The following ANO2 variants were observed in gnomAD, a reference collection of about 807,000 sequenced individuals.
ANO2 encodes anoctamin-2.
ANO2 carries 101 observed loss-of-function variants against 124.2 expected under a neutral mutation model. That is an observed-to-expected ratio of 0.81 (90% CI 0.69 to 0.96). ANO2 has a LOEUF of 0.96. Ranked by LOEUF, ANO2 falls within the 40% of genes least tolerant of loss-of-function variation. The pLI is 0.00. For missense variants in ANO2, 1,293 were observed against 1,274.5 expected (o/e 1.01, Z -0.22); for synonymous variants, 486 against 482.5 (o/e 1.01, Z -0.09).
At chr12:5,913,910 G>A (rs757258061) in intron 3 of ANO2, among the ~76,000 whole-genome samples, 1 of 152,200 alleles carries the variant, frequency 6.6e-6, no homozygotes, top group Non-Finnish European at 1.5e-5. Context: ...GTGGGATGGC[G>A]ACAGAGCCTG....
At chr12:5,784,273 C>T (rs1952481486) in intron 10 of ANO2, among the ~76,000 whole-genome samples, 1 of 152,136 alleles carries the variant, frequency 6.6e-6, no homozygotes, top group South Asian at 2.1e-4. Flanking sequence ...TTCAGAAGCC[C>T]TTCTTGTTTC....
At chr12:5,808,374 T>C (rs1015843013) in intron 7 of ANO2, among the ~76,000 whole-genome samples, 1 of 152,192 alleles carries the variant, frequency 6.6e-6, no homozygotes, top group African/African-American at 2.4e-5. Flanking sequence ...TCATTCTTGG[T>C]TTTTTTCAGA....
At chr12:5,751,070 T>C (rs963846351) in intron 10 of ANO2, 100 bp from the exon 11 acceptor site, 2 of 1,190,280 alleles carry the variant, frequency 1.7e-6, no homozygotes, top group Non-Finnish European at 2.3e-6. Flanking sequence ...AACATAGATA[T>C]TCATTCCTCT....
chr12:5,665,741 A>C (rs1947676278), intron 14 of ANO2, among the ~76,000 whole-genome samples: 1 of 128,742 alleles, frequency 7.8e-6, no homozygotes, highest in African/African-American at 2.9e-5. Context: ...CAGGGAGTCA[A>C]CACATCATCT....
chr12:5,873,977 T>C (rs12317488), intron 3 of ANO2, among the ~76,000 whole-genome samples: 4,536 of 152,274 alleles, frequency 0.03, 233 homozygotes, highest in African/African-American at 0.1. Flanking sequence ...AGACCTCCCA[T>C]CTGCATACTT....
Position 5,575,902 on chromosome 12 carries a change from G to A in ANO2, c.2553C>T (p.Asn851=), listed in dbSNP as rs773623058. 27 of 1,613,636 alleles carry A rather than the reference G, an allele frequency of 1.7e-5. No individual in the cohort carries two copies. The highest frequency in any genetic ancestry group is 1.6e-4 in the Middle Eastern group (1 of 6,084). Residue 851 remains asparagine (N), a synonymous_variant, in exon 23 of 25, where the codon AAC becomes AAT. Coordinates refer to ENST00000682330, the MANE Select transcript of ANO2 (RefSeq NM_001364791.2). The part of the protein sequence containing the change: ...GFVNHTLSFF[N]VSQLKEGTQP... ...GCGTCCCCTCCTTCAGCTGGCTGAC[G>A]TTGAAAAAGGAGAGGGTGTGGTTGA... is the stretch of plus-strand genomic sequence containing the variant.
At chr12:5,872,927 A>G (rs755698992) in intron 3 of ANO2, among the ~76,000 whole-genome samples, 2 of 152,112 alleles carry the variant, frequency 1.3e-5, no homozygotes, top group Non-Finnish European at 2.9e-5. Context: ...GCGTGCAGAG[A>G]TGTGGGAAAC....
At chr12:5,903,346 T>TA (rs1366118145) in intron 3 of ANO2, among the ~76,000 whole-genome samples, 1 of 152,202 alleles carries the variant, frequency 6.6e-6, no homozygotes, top group African/African-American at 2.4e-5. Flanking sequence ...CACTGGGCTC[T>TA]TTAACATACA....
chr12:5,751,407 T>C (rs1951435315), intron 10 of ANO2, among the ~76,000 whole-genome samples: 1 of 152,250 alleles, frequency 6.6e-6, no homozygotes, highest in Admixed American at 6.5e-5. Flanking sequence ...TATTTGGGCA[T>C]GTATACTTGG....
intron 10 of ANO2, among the ~76,000 whole-genome samples, chr12:5,775,162 T>C (rs938673308): frequency 2.0e-5 from 3 of 152,202 alleles, no homozygotes; most frequent in African/African-American, 7.2e-5. Flanking sequence ...ATCTATTCCA[T>C]TGCCCTACTT....
chr12:5,698,146 T>A (rs1185138463), intron 14 of ANO2, among the ~76,000 whole-genome samples: 1 of 152,170 alleles, frequency 6.6e-6, no homozygotes, highest in Non-Finnish European at 1.5e-5. Context: ...ACAGACTGCC[T>A]CCTCAAGTGG....
chr12:5,717,301 T>G (rs1295297027), intron 14 of ANO2, among the ~76,000 whole-genome samples: 1 of 152,204 alleles, frequency 6.6e-6, no homozygotes, highest in African/African-American at 2.4e-5. Flanking sequence ...GAAAATGGAA[T>G]GCCCAAATTG....
At chr12:5,901,753 C>A (rs180983694) in intron 3 of ANO2, among the ~76,000 whole-genome samples, 2 of 152,182 alleles carry the variant, frequency 1.3e-5, no homozygotes, top group East Asian at 3.8e-4. Flanking sequence ...GGAGACAAAG[C>A]TGGGAAAGGA....
chr12:5,777,405 A>G (rs959532349), intron 10 of ANO2, among the ~76,000 whole-genome samples: 1 of 147,548 alleles, frequency 6.8e-6, no homozygotes, highest in Non-Finnish European at 1.5e-5. Context: ...AAAGGCTGCA[A>G]AAAATCAGGA....
intron 20 of ANO2, among the ~76,000 whole-genome samples, chr12:5,591,065 A>T (rs1226544122): frequency 2.0e-5 from 3 of 152,132 alleles, no homozygotes; most frequent in African/African-American, 7.2e-5. Flanking sequence ...CTATAATCAC[A>T]ACTACTCGGA....
At chr12:5,643,535 C>T (rs1407364588) in intron 15 of ANO2, among the ~76,000 whole-genome samples, 1 of 152,162 alleles carries the variant, frequency 6.6e-6, no homozygotes, top group African/African-American at 2.4e-5. Context: ...TTTTGCTGCT[C>T]ATGTACACAA....
At chr12:5,880,175 A>C (rs1938386531) in intron 3 of ANO2, among the ~76,000 whole-genome samples, 1 of 152,226 alleles carries the variant, frequency 6.6e-6, no homozygotes, top group Non-Finnish European at 1.5e-5. Context: ...CAAGACAAGG[A>C]ATAAAGAAGT....
intron 8 of ANO2, among the ~76,000 whole-genome samples, chr12:5,806,932 T>C (rs968287398): frequency 3.3e-5 from 5 of 152,280 alleles, no homozygotes; most frequent in African/African-American, 1.2e-4. Context: ...AGGTTAGGGA[T>C]TACTCACGCC....
chr12:5,678,567 A>T (rs1948355100), intron 14 of ANO2, among the ~76,000 whole-genome samples: 1 of 152,198 alleles, frequency 6.6e-6, no homozygotes, highest in South Asian at 2.1e-4. Flanking sequence ...TTTCCAAGGG[A>T]TTTACTGGAA....
Sources: gnomAD v4.1 joint callset for allele counts (sites outside exome capture counted in the v4.1 genomes callset) on GRCh38, gnomAD v4.1.1 for gene constraint, MANE v1.5 for transcripts, NCBI Gene and HGNC (gene_info 2026-07-23, HGNC 2026-07-21) for gene names.